The following PRKN variants were observed in gnomAD, a reference collection of about 807,000 sequenced individuals.
PRKN encodes E3 ubiquitin-protein ligase parkin.
Under a neutral mutation model 59.5 loss-of-function variants are expected in PRKN, and 56 were observed. The observed-to-expected ratio is 0.94, with a 90% CI of 0.76 to 1.18. PRKN has a LOEUF of 1.18. Ranked by LOEUF, PRKN falls within the 50% of genes most tolerant of loss-of-function variation. The pLI, the probability that PRKN is intolerant of heterozygous loss-of-function variation, is 0.00. For synonymous variants in PRKN, 250 were observed against 222.1 expected (o/e 1.13, Z -1.12); for missense variants, 657 against 596.4 (o/e 1.10, Z -1.06).
intron 1 of PRKN, among the ~76,000 whole-genome samples, chr6:162,726,770 C>T (rs1007662550): frequency 2.6e-5 from 4 of 152,186 alleles, no homozygotes; most frequent in African/African-American, 9.6e-5. Flanking sequence ...GCTCACTAAA[C>T]CCTCCATACA....
chr6:161,600,808 T>C (rs577034415), intron 7 of PRKN, among the ~76,000 whole-genome samples: 1 of 152,300 alleles, frequency 6.6e-6, no homozygotes, highest in South Asian at 2.1e-4. Context: ...TCCCCTTTTC[T>C]CTCTTTCTTC....
chr6:162,088,910 T>C (rs1480533411), intron 4 of PRKN, among the ~76,000 whole-genome samples: 1 of 151,992 alleles, frequency 6.6e-6, no homozygotes, highest in Non-Finnish European at 1.5e-5. Context: ...AAAAATTAAG[T>C]CAAAATGGAT....
intron 4 of PRKN, among the ~76,000 whole-genome samples, chr6:162,127,990 G>A (rs1410727066): frequency 2.0e-5 from 3 of 152,144 alleles, no homozygotes; most frequent in Admixed American, 2.0e-4. Flanking sequence ...TACTTCTCTT[G>A]TTAAGAATGT....
chr6:161,406,266 A>G (rs1160450704), intron 9 of PRKN, among the ~76,000 whole-genome samples: 1 of 151,962 alleles, frequency 6.6e-6, no homozygotes, highest in African/African-American at 2.4e-5. Context: ...TTACAGTAAA[A>G]TCTTCCCACT....
Position 161,388,809 on chromosome 6 carries a change from C to A in PRKN, c.1084-1932G>T, listed in dbSNP as rs1464987745. Among the ~76,000 whole-genome samples the A allele has an allele frequency of 2.0e-5, 3 of 152,234 alleles. No homozygotes were observed. Among genetic ancestry groups the A allele is most frequent in the Non-Finnish European group, 2.9e-5 (2 of 68,040 alleles). On this transcript the variant is annotated intron_variant, in intron 9 of 11. Coordinates refer to ENST00000366898, the MANE Select transcript of PRKN (RefSeq NM_004562.3). This position sits in a 1 kb window ranked among gnomAD's most constrained non-coding sequence, Gnocchi z 4.3. ...AGAAGAGCTGCGGCCTCAGCCGCAA[C>A]AATAGCCCTGTCTGAGCTTTTAGTA... is the stretch of plus-strand genomic sequence containing the variant.
rs1554275154 is a variant in PRKN at position 161,550,738 on chromosome 6, C to CTGTGTGTGTGT, written c.934-1736_934-1735insACACACACACA. On this transcript the variant is annotated intron_variant, in intron 8 of 11. Coordinates refer to ENST00000366898, the MANE Select transcript of PRKN (RefSeq NM_004562.3). This position sits in a 1 kb window ranked among gnomAD's most constrained non-coding sequence, Gnocchi z 4.0. ...AAGAAAGGGTATGTGTGTGTGTGCA[C>CTGTGTGTGTGT]GTGTGTGTGTGTGTGTGTGTGTGTA... Among the ~76,000 whole-genome samples, 12 of 146,192 alleles carry CTGTGTGTGTGT rather than the reference C, an allele frequency of 8.2e-5. No homozygotes were observed. The highest frequency in any genetic ancestry group is 2.8e-4 in the African/African-American group (11 of 38,626).
chr6:162,244,252 A>T (rs1779109627), intron 3 of PRKN, among the ~76,000 whole-genome samples: 1 of 152,082 alleles, frequency 6.6e-6, no homozygotes. Context: ...TGGAATTCCC[A>T]GGGAGGTGAT....
intron 1 of PRKN, among the ~76,000 whole-genome samples, chr6:162,641,721 C>T (rs1337448653): frequency 6.6e-6 from 1 of 152,198 alleles, no homozygotes; most frequent in Non-Finnish European, 1.5e-5. Context: ...CCTCTGTTAA[C>T]TCTAAGGCCA....
intron 7 of PRKN, among the ~76,000 whole-genome samples, chr6:161,752,106 T>C: frequency 6.6e-6 from 1 of 152,236 alleles, no homozygotes; most frequent in East Asian, 1.9e-4. Flanking sequence ...ACTGATTTAA[T>C]TTACATTTTT....
At chr6:161,625,027 T>G (rs2128152222) in intron 7 of PRKN, among the ~76,000 whole-genome samples, 1 of 152,342 alleles carries the variant, frequency 6.6e-6, no homozygotes, top group Non-Finnish European at 1.5e-5. Context: ...TCAACACTTC[T>G]TATTTAGAAA....
At chr6:161,907,242 G>A (rs1052979951) in intron 6 of PRKN, among the ~76,000 whole-genome samples, 2 of 151,956 alleles carry the variant, frequency 1.3e-5, no homozygotes, top group African/African-American at 2.4e-5. Flanking sequence ...GGTTCTAGAT[G>A]AATTTCACTG....
chr6:162,586,036 A>G (rs1781038809), intron 1 of PRKN, among the ~76,000 whole-genome samples: 1 of 152,184 alleles, frequency 6.6e-6, no homozygotes, highest in Admixed American at 6.5e-5. Flanking sequence ...CAACCTGATT[A>G]ATAACATCTC....
chr6:162,076,742 T>C (rs975077144), intron 4 of PRKN, among the ~76,000 whole-genome samples: 1 of 152,180 alleles, frequency 6.6e-6, no homozygotes, highest in African/African-American at 2.4e-5. Context: ...TATCCTCCTT[T>C]TAGATCGATG....
intron 1 of PRKN, among the ~76,000 whole-genome samples, chr6:162,444,347 T>C (rs190307939): frequency 8.5e-5 from 13 of 152,294 alleles, no homozygotes; most frequent in African/African-American, 2.6e-4. Flanking sequence ...TACAGAGCTA[T>C]GTCACACCAC....
intron 2 of PRKN, among the ~76,000 whole-genome samples, chr6:162,284,471 G>T (rs993066545): frequency 6.6e-6 from 1 of 151,820 alleles, no homozygotes; most frequent in African/African-American, 2.4e-5. Flanking sequence ...TGATCCACCT[G>T]CCTCGGTCTC....
intron 4 of PRKN, among the ~76,000 whole-genome samples, chr6:162,073,306 C>T (rs538866955): frequency 1.3e-5 from 2 of 152,314 alleles, no homozygotes; most frequent in African/African-American, 4.8e-5. Flanking sequence ...TTGGCCTCAG[C>T]GTTAACCAGA....
chr6:162,099,464 C>G (rs1231851478), intron 4 of PRKN, among the ~76,000 whole-genome samples: 3 of 152,188 alleles, frequency 2.0e-5, no homozygotes, highest in Non-Finnish European at 4.4e-5. Context: ...GAATATGTAA[C>G]ACCAATGACT....
chr6:162,404,124 C>T (rs563076542), intron 2 of PRKN, among the ~76,000 whole-genome samples: 4 of 152,132 alleles, frequency 2.6e-5, no homozygotes, highest in African/African-American at 9.6e-5. Flanking sequence ...GTAATCCCAG[C>T]ACTTTGGGAG....
At chr6:162,115,597 G>T (rs924539064) in intron 4 of PRKN, among the ~76,000 whole-genome samples, 2 of 151,098 alleles carry the variant, frequency 1.3e-5, no homozygotes, top group East Asian at 1.9e-4. Flanking sequence ...TATTTCCCAA[G>T]TGTTATCTGA....
Sources: gnomAD v4.1 joint callset for allele counts (sites outside exome capture counted in the v4.1 genomes callset) on GRCh38, gnomAD v4.1.1 for gene constraint, Gnocchi (gnomAD v3.1) non-coding constraint, MANE v1.5 for transcripts, NCBI Gene and HGNC (gene_info 2026-07-23, HGNC 2026-07-21) for gene names.